The following KCNH8 variants were observed in gnomAD, a reference collection of about 807,000 sequenced individuals.
KCNH8 encodes the protein voltage-gated delayed rectifier potassium channel KCNH8.
A neutral mutation model predicts 103.6 loss-of-function variants in KCNH8; 70 were observed. That is an observed-to-expected ratio of 0.68 (90% confidence interval 0.56 to 0.82). The LOEUF (loss-of-function observed/expected upper bound fraction) is 0.82, where lower values mean the gene tolerates loss of function less well. KCNH8 is among the 40% of genes least tolerant of loss of function. The pLI, the probability that KCNH8 is intolerant of heterozygous loss-of-function variation, is 0.00. For missense variants in KCNH8, 1,217 were observed against 1,329.9 expected, an observed-to-expected ratio of 0.92 and a Z score of 1.32; for synonymous variants, 498 against 489.4, an observed-to-expected ratio of 1.02 and a Z score of -0.23.
intron 1 of KCNH8, among the ~76,000 whole-genome samples, chr3:19,228,658 AATG>A (rs1449237277): frequency 2.0e-5 from 3 of 152,190 alleles, no homozygotes; most frequent in East Asian, 1.9e-4. Context: ...TGACAAATAA[AATG>A]ATGTTTATTT....
chr3:19,230,265 A>G (rs753629450), intron 1 of KCNH8, among the ~76,000 whole-genome samples: 1 of 152,222 alleles, frequency 6.6e-6, no homozygotes, highest in African/African-American at 2.4e-5. Flanking sequence ...TCAGATGTTA[A>G]GCAGAAAGAA....
At chr3:19,467,039 A>G (rs750242199) in intron 11 of KCNH8, among the ~76,000 whole-genome samples, 31 of 152,178 alleles carry the variant, frequency 2.0e-4, no homozygotes, top group Non-Finnish European at 4.3e-4. Flanking sequence ...AATAGACTAC[A>G]GTATAATGTA....
chr3:19,372,320 T>C (rs1215322778), intron 5 of KCNH8, among the ~76,000 whole-genome samples: 3 of 151,438 alleles, frequency 2.0e-5, no homozygotes, highest in South Asian at 4.2e-4. Context: ...CTTGAAGAGG[T>C]CCTTCACATC....
chr3:19,338,032 A>C (rs1365522994), intron 3 of KCNH8, among the ~76,000 whole-genome samples: 3 of 151,500 alleles, frequency 2.0e-5, no homozygotes, highest in Non-Finnish European at 4.4e-5. Flanking sequence ...TATTCTTCTT[A>C]TTCAAGTCGC....
intron 5 of KCNH8, among the ~76,000 whole-genome samples, chr3:19,384,335 C>G (rs952868869): frequency 6.6e-6 from 1 of 152,244 alleles, no homozygotes; most frequent in East Asian, 1.9e-4. Context: ...TCTTTGAGTG[C>G]CAGGGGCTCT....
intron 3 of KCNH8, among the ~76,000 whole-genome samples, chr3:19,324,242 A>G (rs1015181765): frequency 4.6e-5 from 7 of 152,134 alleles, no homozygotes; most frequent in Admixed American, 2.0e-4. Context: ...TGGGCAATTT[A>G]TAAAGGAAAG....
chr3:19,496,688 G>C (rs1366870447), intron 11 of KCNH8, among the ~76,000 whole-genome samples: 1 of 152,080 alleles, frequency 6.6e-6, no homozygotes, highest in East Asian at 1.9e-4. Flanking sequence ...TTTGGTATCA[G>C]GATGATACTG....
rs183507619 is a variant in KCNH8, at chr3:19,530,360, C to A, written c.2620-3035C>A. On this transcript the variant is annotated intron_variant, in intron 15 of 15. Transcript: ENST00000328405. ...TGAGATAGTGGTTATACTAATTATC[C>A]TGATTTGATCATTATACACTGTATT... 2.5e-3 allele frequency among the ~76,000 whole-genome samples: 375 copies of A among 152,072 alleles called. 3 individuals carry two copies. In the South Asian group the frequency reaches 0.026, roughly 11 times the overall value.
Position 19,281,227 on chromosome 3 carries a change from G to T in KCNH8, c.340G>T (p.Val114Phe). 6.2e-7 allele frequency: 1 copy of T among 1,610,604 alleles called. No individual in the cohort carries two copies. Among genetic ancestry groups the T allele is most frequent in the Non-Finnish European group, 8.5e-7 (1 of 1,178,092 alleles). Residue 114 changes from valine to phenylalanine, a missense_variant, in exon 3 of 16, where the codon GTT becomes TTT. By Grantham distance (50) the Val-to-Phe change is conservative. Around this residue, in one of 3 missense-constraint regions of KCNH8, gnomAD observed 244 missense variants for 256.8 expected, o/e 0.95. Coordinates refer to ENST00000328405, the MANE Select transcript of KCNH8 (RefSeq NM_144633.3). ...GSPFWCLLDI[V>F]PIKNEKGDVV... is the part of the protein sequence containing the mutation. Reference sequence around the variant, plus strand: ...TCCATTTTGGTGCCTACTGGATATTGTTCCCATAAAGAATGAAAAAGGAGA... The same window carrying T: ...TCCATTTTGGTGCCTACTGGATATTTTTCCCATAAAGAATGAAAAAGGAGA...
At chr3:19,357,770 A>G (rs1375986666) in intron 5 of KCNH8, among the ~76,000 whole-genome samples, 2 of 151,918 alleles carry the variant, frequency 1.3e-5, no homozygotes, top group South Asian at 2.1e-4. Context: ...TGCTTTGTTT[A>G]TATTTACCTT....
intron 1 of KCNH8, among the ~76,000 whole-genome samples, chr3:19,191,925 A>T (rs138331139): frequency 7.8e-4 from 118 of 151,662 alleles, no homozygotes; most frequent in African/African-American, 2.7e-3. Context: ...TTAGGACATT[A>T]GTTCTACCCA....
At chr3:19,424,261 G>A (rs932212808) in intron 7 of KCNH8, among the ~76,000 whole-genome samples, 1 of 152,062 alleles carries the variant, frequency 6.6e-6, no homozygotes, top group African/African-American at 2.4e-5. Context: ...TATAAAAATA[G>A]GCACACAGAC....
At chr3:19,504,839 G>T (rs184102418) in intron 11 of KCNH8, among the ~76,000 whole-genome samples, 22 of 151,946 alleles carry the variant, frequency 1.4e-4, no homozygotes, top group African/African-American at 4.3e-4. Flanking sequence ...ATACCCAAAT[G>T]AATATACATT....
At chr3:19,193,886 T>C (rs2063576379) in intron 1 of KCNH8, among the ~76,000 whole-genome samples, 2 of 151,732 alleles carry the variant, frequency 1.3e-5, no homozygotes, top group Admixed American at 6.6e-5. Context: ...AAAGAGACAG[T>C]AGGTGTGAAT....
chr3:19,355,437 T>C (rs2065867357), intron 5 of KCNH8, among the ~76,000 whole-genome samples: 1 of 152,162 alleles, frequency 6.6e-6, no homozygotes, highest in African/African-American at 2.4e-5. Flanking sequence ...TGCACACATA[T>C]GTTTATTGCA....
At chr3:19,299,271 A>G (rs2065034204) in intron 3 of KCNH8, among the ~76,000 whole-genome samples, 2 of 150,882 alleles carry the variant, frequency 1.3e-5, no homozygotes, top group Admixed American at 1.3e-4. Flanking sequence ...TGGAATATGG[A>G]GTAATCTTAG....
intron 5 of KCNH8, among the ~76,000 whole-genome samples, chr3:19,355,092 C>G (rs148384406): frequency 0.23 from 35,399 of 152,058 alleles, 4,531 homozygotes; most frequent in Middle Eastern, 0.31. Flanking sequence ...AGACACTTCT[C>G]AAAAGAAGAC....
At chr3:19,529,381 T>C (rs149335784) in intron 15 of KCNH8, among the ~76,000 whole-genome samples, 9 of 152,314 alleles carry the variant, frequency 5.9e-5, no homozygotes, top group Non-Finnish European at 1.3e-4. Flanking sequence ...CTAGAGTACA[T>C]GTGCACAACG....
chr3:19,253,529 G>T (rs746813417), intron 1 of KCNH8, 125 bp from the exon 2 acceptor site: 2 of 735,206 alleles, frequency 2.7e-6, no homozygotes, highest in Non-Finnish European at 4.7e-6. Flanking sequence ...CTTTTCCACT[G>T]CAGCACATCA....
Sources: gnomAD v4.1 joint callset for allele counts (sites outside exome capture counted in the v4.1 genomes callset) on GRCh38, gnomAD v4.1.1 for gene constraint, gnomAD v4.1.1 regional missense constraint, MANE v1.5 for transcripts, NCBI Gene and HGNC (gene_info 2026-07-23, HGNC 2026-07-21) for gene names.